Variants in TMPRSS15 observed in about 807,000 individuals in gnomAD.
The protein encoded by TMPRSS15 is transmembrane serine protease 15, also known as enteropeptidase.
TMPRSS15 carries 128 observed loss-of-function variants against 125.3 expected under a neutral mutation model. The observed-to-expected ratio is 1.02, with a 90% confidence interval of 0.89 to 1.18. The LOEUF (loss-of-function observed/expected upper bound fraction) is 1.18. TMPRSS15 is among the 50% of genes most tolerant of loss of function. The pLI is 0.00. For synonymous variants in TMPRSS15, 446 were observed against 423.2 expected (o/e 1.05, Z -0.66); for missense variants, 1,283 against 1,212.7 (o/e 1.06, Z -0.86).
At chr21:18,481,297 A>G (rs1384724250) in intron 1 of TMPRSS15, among the ~76,000 whole-genome samples, 1 of 151,838 alleles carries the variant, frequency 6.6e-6, no homozygotes, top group Admixed American at 6.6e-5. Context: ...GACTGCCTCA[A>G]TTGAGTGTTG....
chr21:18,289,902 G>A (rs939252913), intron 21 of TMPRSS15, among the ~76,000 whole-genome samples: 18 of 152,308 alleles, frequency 1.2e-4, no homozygotes, highest in African/African-American at 4.1e-4. Flanking sequence ...AGGAATGTCA[G>A]TTTAACAGGT....
At chr21:18,323,277 T>C (rs1274250547) in intron 16 of TMPRSS15, among the ~76,000 whole-genome samples, 1 of 152,202 alleles carries the variant, frequency 6.6e-6, no homozygotes, top group Admixed American at 6.5e-5. Flanking sequence ...AGGTAATTTA[T>C]ATGAAAAAGG....
intron 1 of TMPRSS15, among the ~76,000 whole-genome samples, chr21:18,455,504 T>C (rs905971676): frequency 1.3e-5 from 2 of 152,214 alleles, no homozygotes; most frequent in Admixed American, 6.5e-5. Context: ...GGACCTGTAC[T>C]TGCAAGAAAT....
chr21:18,346,660 C>T (rs17002589), intron 10 of TMPRSS15, among the ~76,000 whole-genome samples: 4,251 of 152,242 alleles, frequency 0.028, 174 homozygotes, highest in African/African-American at 0.095. Context: ...ATGTCTGTTG[C>T]GCTATCTCAC....
intron 1 of TMPRSS15, among the ~76,000 whole-genome samples, chr21:18,438,596 A>C (rs2076234613): frequency 6.6e-6 from 1 of 152,208 alleles, no homozygotes; most frequent in Non-Finnish European, 1.5e-5. Flanking sequence ...ATATTGTTTC[A>C]TATTTGTATG....
In TMPRSS15 at chr21:18,383,500, G is replaced by A. The variant is rs1273739108; in HGVS notation, c.496+127C>T. 3.3e-5 allele frequency: 36 copies of A among 1,079,292 alleles called. 3 individuals are homozygous for A. The highest frequency in any genetic ancestry group is 6.0e-4 in the Middle Eastern group (2 of 3,358). The allele number at this position is 1,079,292 out of a possible 1,614,324, so 66.9% of individuals were successfully genotyped here. ...CAGATTTCACTTTTCTCATGTAAAT[G>A]TGTCACCTCAGGCAATAAGACATGT... On this transcript the variant is annotated intron_variant, in intron 4 of 24. Transcript: ENST00000284885.
At chr21:18,366,640 C>T (rs1186931582) in intron 6 of TMPRSS15, among the ~76,000 whole-genome samples, 1 of 152,020 alleles carries the variant, frequency 6.6e-6, no homozygotes, top group Non-Finnish European at 1.5e-5. Context: ...AACTTTTAGT[C>T]TTTCTTACAT....
chr21:18,332,142 C>T lies in TMPRSS15; in HGVS notation c.1596G>A (p.Glu532=). ...TCGTAGAACTGAATGTTGTATTTGG[C>T]TCCCACAGCTCAAAAGGTCCTCCAC... ...TDCGGPFELW[E]PNTTFSSTNF... The change falls in exon 14 of 25, where the codon GAG becomes GAA. Residue 532 remains glutamate, a synonymous_variant. Transcript: ENST00000284885. The T allele has an allele frequency of 1.2e-6, 2 of 1,614,092 alleles. No homozygotes were observed. Among genetic ancestry groups the T allele is most frequent in the Non-Finnish European group, 1.7e-6 (2 of 1,179,974 alleles).
intron 6 of TMPRSS15, among the ~76,000 whole-genome samples, chr21:18,371,023 T>A (rs1471236514): frequency 6.6e-6 from 1 of 152,148 alleles, no homozygotes; most frequent in South Asian, 2.1e-4. Context: ...CAGTTAATAC[T>A]GTTAAATAAA....
Position 18,365,649 on chromosome 21 carries a change from CCCTTCCTTCCTT to C in TMPRSS15, c.665-413_665-402del, listed in dbSNP as rs57962003. The stretch of plus-strand genomic sequence containing the variant: ...CTTTCTCTTTCTCTCTCTTTTTCCT[CCCTTCCTTCCTT>C]CCTTCCTTCCTTCCTTCCTTCCTTC... On this transcript the variant is annotated intron_variant, in intron 6 of 24. Transcript: ENST00000284885. Among the ~76,000 whole-genome samples, 200 of 65,852 alleles carry C rather than the reference CCCTTCCTTCCTT, an allele frequency of 3.0e-3. 4 individuals are homozygous for C. Among genetic ancestry groups the C allele is most frequent in the African/African-American group, 0.013 (184 of 14,468 alleles). The allele number at this position is 65,852 out of a possible 152,430, so 43.2% of individuals were successfully genotyped here.
intron 3 of TMPRSS15, among the ~76,000 whole-genome samples, chr21:18,392,950 T>A (rs2076002948): frequency 6.6e-6 from 1 of 151,954 alleles, no homozygotes; most frequent in Admixed American, 6.6e-5. Context: ...TCCCACCAGG[T>A]CCCTCCCTCA....
At chr21:18,485,606 C>A (rs950328901) in intron 1 of TMPRSS15, among the ~76,000 whole-genome samples, 1 of 151,884 alleles carries the variant, frequency 6.6e-6, no homozygotes, top group Non-Finnish European at 1.5e-5. Context: ...TACATAGTTT[C>A]TCTTCTTTAT....
At chr21:18,419,384 C>T (rs1173877962) in intron 1 of TMPRSS15, among the ~76,000 whole-genome samples, 2 of 151,974 alleles carry the variant, frequency 1.3e-5, no homozygotes, top group Admixed American at 1.3e-4. Flanking sequence ...CGCCACCACG[C>T]CCAGCTAATT....
At position 18,435,459 on chromosome 21, in the gene TMPRSS15, T is replaced by C. The variant is rs558359806; in HGVS notation, c.11-37130A>G. Among the ~76,000 whole-genome samples the C allele has an allele frequency of 6.4e-3, 967 of 152,256 alleles. 11 individuals carry two copies. Among genetic ancestry groups the C allele is most frequent in the African/African-American group, 0.022 (930 of 41,554 alleles). ...TATTGATTTGCGTATATTGAACCAG[T>C]CTTGCATCCCAGGGATGAAGCCCAC... On this transcript the variant is annotated intron_variant, in intron 1 of 7. Coordinates refer to the TMPRSS15 transcript ENST00000422787.
At chr21:18,299,554 A>G (rs550009736) in intron 18 of TMPRSS15, among the ~76,000 whole-genome samples, 9 of 152,178 alleles carry the variant, frequency 5.9e-5, no homozygotes, top group Non-Finnish European at 1.0e-4. Flanking sequence ...CGTGAACATC[A>G]CTGCTGCCAG....
Position 18,419,289 on chromosome 21 carries a change from T to A in TMPRSS15, c.11-20960A>T, listed in dbSNP as rs1414636326. On this transcript the variant is annotated intron_variant, in intron 1 of 7. Transcript: ENST00000422787. ...TACCCAGGCTGGAGTGCAGTGGTGC[T>A]ATCTCTGCTCACTGCAAGCTCGGCC... 2.0e-5 allele frequency among the ~76,000 whole-genome samples: 3 copies of A among 148,560 alleles called. No homozygotes were observed. In the East Asian group the frequency reaches 6.2e-4, roughly 31 times the overall value.
chr21:18,288,438 C>G (rs1300190848), intron 21 of TMPRSS15, among the ~76,000 whole-genome samples: 1 of 151,904 alleles, frequency 6.6e-6, no homozygotes, highest in African/African-American at 2.4e-5. Context: ...ATGCAATCCA[C>G]CCATGTAACA....
intron 18 of TMPRSS15, among the ~76,000 whole-genome samples, chr21:18,300,045 C>A (rs1339980498): frequency 6.6e-6 from 1 of 152,028 alleles, no homozygotes. Context: ...AATGAGGAAA[C>A]CTTTTGAAAG....
At chr21:18,401,234 T>C (rs1238386408) in intron 1 of TMPRSS15, among the ~76,000 whole-genome samples, 8 of 152,264 alleles carry the variant, frequency 5.3e-5, no homozygotes, top group Middle Eastern at 6.8e-3. Flanking sequence ...ACTGGGTATA[T>C]ATCAAAAAGA....
Sources: gnomAD v4.1 joint callset for allele counts (sites outside exome capture counted in the v4.1 genomes callset) on GRCh38, gnomAD v4.1.1 for gene constraint, MANE v1.5 for transcripts, NCBI Gene and HGNC (gene_info 2026-07-23, HGNC 2026-07-21) for gene names.